NAV2: variants seen among roughly 807,000 people sequenced by gnomAD.
The protein encoded by NAV2 is helicase, APC down-regulated 1.
NAV2 carries 54 observed loss-of-function variants against 223.2 expected under a neutral mutation model. The observed-to-expected ratio is 0.24, with a 90% CI of 0.19 to 0.30. The LOEUF (loss-of-function observed/expected upper bound fraction) is 0.30, where lower values mean the gene tolerates loss of function less well. NAV2 is among the 10% of genes least tolerant of loss of function. NAV2 has a pLI of 1.00. For synonymous variants in NAV2, 1,279 were observed against 1,239.3 expected, an observed-to-expected ratio of 1.03 and a Z score of -0.67; for missense variants, 2,806 against 3,147.5, an observed-to-expected ratio of 0.89 and a Z score of 2.60.
chr11:19,362,615 A>C (rs1011587398), intron 1 of NAV2, among the ~76,000 whole-genome samples: 1 of 152,202 alleles, frequency 6.6e-6, no homozygotes, highest in African/African-American at 2.4e-5. Flanking sequence ...ATTATTGGAC[A>C]CTTGCCATCT....
chr11:19,518,953 T>C (rs1366977252), intron 1 of NAV2, among the ~76,000 whole-genome samples: 1 of 152,174 alleles, frequency 6.6e-6, no homozygotes, highest in Non-Finnish European at 1.5e-5. Flanking sequence ...TTTTCTGCTG[T>C]GTAAGGAAAC....
intron 1 of NAV2, among the ~76,000 whole-genome samples, chr11:19,590,442 G>A (rs144053698): frequency 1.1e-4 from 16 of 152,160 alleles, no homozygotes; most frequent in East Asian, 5.8e-4. Context: ...CCAGCTCCCC[G>A]CACCCCAGGC....
intron 22 of NAV2, among the ~76,000 whole-genome samples, chr11:20,072,768 T>C (rs560919882): frequency 6.6e-6 from 1 of 152,328 alleles, no homozygotes; most frequent in African/African-American, 2.4e-5. Context: ...ATGCTTGTGA[T>C]TTTTGCACAT....
intron 1 of NAV2, among the ~76,000 whole-genome samples, chr11:19,662,124 TA>T (rs1195352853): frequency 6.6e-6 from 1 of 152,180 alleles, no homozygotes; most frequent in Admixed American, 6.5e-5. Context: ...AAATTCTTTT[TA>T]AAAATGTGTG....
intron 11 of NAV2, chr11:20,027,364 C>T: frequency 1.0e-6 from 1 of 985,390 alleles, no homozygotes; most frequent in South Asian, 4.7e-5. Context: ...TTCCACCAGT[C>T]TGGACTTTTT....
chr11:20,068,318 C>T lies in NAV2; in HGVS notation c.4909-6C>T. The stretch of plus-strand genomic sequence containing the variant: ...AGCATGTAACCCTCTCCCTTGTCAT[C>T]TTTAGATTCGCAAGCTGCGGCGGGA... On this transcript the variant is annotated splice_polypyrimidine_tract_variant and splice_region_variant and intron_variant, in intron 21 of 37. Coordinates refer to ENST00000349880, the MANE Select transcript of NAV2 (RefSeq NM_145117.5). 6.2e-7 allele frequency: 1 copy of T among 1,614,048 alleles called. No individual in the cohort carries two copies. Among genetic ancestry groups the T allele is most frequent in the Non-Finnish European group, 8.5e-7 (1 of 1,179,886 alleles).
intron 1 of NAV2, among the ~76,000 whole-genome samples, chr11:19,582,993 T>A (rs969998916): frequency 5.3e-5 from 8 of 152,246 alleles, no homozygotes; most frequent in African/African-American, 1.7e-4. Flanking sequence ...ACGATATTGA[T>A]TCTTCCTAAC....
chr11:19,834,581 G>C (rs995819013), intron 2 of NAV2, among the ~76,000 whole-genome samples: 1 of 151,570 alleles, frequency 6.6e-6, no homozygotes, highest in Non-Finnish European at 1.5e-5. Context: ...TGGTAGGATG[G>C]TCATGGAAAT....
chr11:19,748,990 G>A (rs1430695973), intron 1 of NAV2, among the ~76,000 whole-genome samples: 3 of 152,250 alleles, frequency 2.0e-5, no homozygotes, highest in Non-Finnish European at 4.4e-5. Flanking sequence ...CTCTCAGTTT[G>A]TGTTGTTTCT....
intron 11 of NAV2, among the ~76,000 whole-genome samples, chr11:20,005,671 T>C (rs1055576933): frequency 6.6e-6 from 1 of 152,174 alleles, no homozygotes; most frequent in Non-Finnish European, 1.5e-5. Context: ...CACTTCATTG[T>C]GCCAGGCAGT....
chr11:20,072,966 T>C (rs537798391), intron 22 of NAV2, among the ~76,000 whole-genome samples: 1 of 152,290 alleles, frequency 6.6e-6, no homozygotes, highest in South Asian at 2.1e-4. Flanking sequence ...GAACTTCCAA[T>C]ACTATGTTGA....
At chr11:19,658,245 C>A (rs1455338956) in intron 1 of NAV2, among the ~76,000 whole-genome samples, 1 of 152,108 alleles carries the variant, frequency 6.6e-6, no homozygotes, top group South Asian at 2.1e-4. Context: ...GAGTAAGTGA[C>A]AGAGCCAGCA....
chr11:19,831,869 A>G (rs1391034450), intron 1 of NAV2, among the ~76,000 whole-genome samples: 1 of 152,220 alleles, frequency 6.6e-6, no homozygotes. Context: ...CAGAATCCCA[A>G]CAGTGAAAAT....
chr11:19,974,086 A>T (rs1215148181), intron 10 of NAV2, among the ~76,000 whole-genome samples: 2 of 152,274 alleles, frequency 1.3e-5, no homozygotes, highest in East Asian at 3.8e-4. Flanking sequence ...GGGGGCCAAG[A>T]GTAGTTACTA....
chr11:19,840,706 C>T (rs2060466234), intron 2 of NAV2, among the ~76,000 whole-genome samples: 1 of 152,102 alleles, frequency 6.6e-6, no homozygotes, highest in African/African-American at 2.4e-5. Flanking sequence ...TTAGTATATA[C>T]ATCTGTATTA....
intron 1 of NAV2, among the ~76,000 whole-genome samples, chr11:19,473,476 T>G (rs962344246): frequency 1.6e-4 from 25 of 152,120 alleles, no homozygotes; most frequent in African/African-American, 5.3e-4. Flanking sequence ...AAACTCCAAG[T>G]AAAATTGGTT....
intron 22 of NAV2, among the ~76,000 whole-genome samples, chr11:20,071,774 G>A (rs915628736): frequency 2.0e-5 from 3 of 152,020 alleles, no homozygotes; most frequent in Non-Finnish European, 4.4e-5. Flanking sequence ...CCACTAAATG[G>A]GTGGGTGGGT....
At chr11:19,777,041 ACG>A (rs1261678215) in intron 1 of NAV2, among the ~76,000 whole-genome samples, 3 of 150,556 alleles carry the variant, frequency 2.0e-5, no homozygotes, top group Non-Finnish European at 4.4e-5. Context: ...GCCGGGTGCC[ACG>A]CGGGGCGGCC....
At chr11:19,580,565 T>C (rs1032969973) in intron 1 of NAV2, among the ~76,000 whole-genome samples, 4 of 152,142 alleles carry the variant, frequency 2.6e-5, no homozygotes, top group African/African-American at 9.7e-5. Flanking sequence ...TACTGCCACA[T>C]TGGGGGTTAA....
Sources: gnomAD v4.1 joint callset for allele counts (sites outside exome capture counted in the v4.1 genomes callset) on GRCh38, gnomAD v4.1.1 for gene constraint, MANE v1.5 for transcripts, NCBI Gene and HGNC (gene_info 2026-07-23, HGNC 2026-07-21) for gene names.